RAB22A: variants seen among roughly 807,000 people sequenced by gnomAD.
RAB22A encodes the protein ras-related protein Rab-22A.
A neutral mutation model predicts 30.2 loss-of-function variants in RAB22A; 13 were observed. The ratio of observed to expected loss-of-function variants is 0.43; its 90% CI spans 0.28 to 0.68. RAB22A has a LOEUF of 0.68. RAB22A is among the 30% of genes least tolerant of loss of function. RAB22A has a pLI of 0.18. For synonymous variants in RAB22A, 89 were observed against 87.2 expected, an observed-to-expected ratio of 1.02 and a Z score of -0.11; for missense variants, 177 against 246.8, an observed-to-expected ratio of 0.72 and a Z score of 1.89.
rs139932438 is a variant in RAB22A at position 58,363,765 on chromosome 20, T to C, written c.*4062T>C. ...ATACCTGCCTCTAGTTAGCTTGGTT[T>C]ATCAAAAGGATTTTTAAATGATTCA... On this transcript the variant is annotated 3_prime_UTR_variant, in exon 7 of 7. Coordinates refer to ENST00000244040, the MANE Select transcript of RAB22A (RefSeq NM_020673.3). 5.3e-5 allele frequency: 8 copies of C among 152,342 alleles called. No homozygotes were observed. In the East Asian group the frequency reaches 1.5e-3, roughly 29 times the overall value. 9.4% of individuals were successfully genotyped at this position (152,342 alleles called of 1,614,324 possible).
Position 58,343,745 on chromosome 20 carries a change from G to A in RAB22A, c.144G>A (p.Gln48=). 2 of 1,611,022 alleles carry A rather than the reference G, an allele frequency of 1.2e-6. No homozygotes were observed. The highest frequency in any genetic ancestry group is 1.7e-6 in the Non-Finnish European group (2 of 1,177,188). ...CATCTTTTATGACCAAGACTGTCCAGTACCAAAATGAGCTACATAAATTCC... is the reference window on the plus strand; with the variant it reads ...CATCTTTTATGACCAAGACTGTCCAATACCAAAATGAGCTACATAAATTCC... ...IGASFMTKTV[Q]YQNELHKFLI... Residue 48 remains glutamine, a synonymous_variant, in exon 3 of 7, where the codon CAG becomes CAA. Transcript: ENST00000244040.
chr20:58,332,345 G>A (rs907930465), intron 2 of RAB22A, among the ~76,000 whole-genome samples: 2 of 152,224 alleles, frequency 1.3e-5, no homozygotes, highest in African/African-American at 2.4e-5. Context: ...TAACTGTGGA[G>A]ACTTGAAGTG....
Position 58,360,075 on chromosome 20 carries a change from A to C in RAB22A, c.*372A>C, listed in dbSNP as rs1461123488. On this transcript the variant is annotated 3_prime_UTR_variant, in exon 7 of 7. Coordinates refer to ENST00000244040, the MANE Select transcript of RAB22A (RefSeq NM_020673.3). ...TTGTGGTTCTTAAGGGAAAAGAAAC[A>C]GACCTTGTGGAGATTATAATTTCCT... The C allele has an allele frequency of 6.4e-6, 1 of 155,968 alleles. No homozygotes were observed. The highest frequency in any genetic ancestry group is 2.4e-5 in the African/African-American group (1 of 41,532). The allele number at this position is 155,968 out of a possible 1,614,324, so 9.7% of individuals were successfully genotyped here. A position where few individuals can be genotyped will look rare whatever the true frequency, so the allele number is the denominator to read the frequency against.
chr20:58,342,276 G>C (rs1054615217), intron 2 of RAB22A, among the ~76,000 whole-genome samples: 7 of 152,170 alleles, frequency 4.6e-5, no homozygotes, highest in African/African-American at 1.7e-4. Context: ...TAAATTTTCA[G>C]TAAATAAATA....
intron 2 of RAB22A, among the ~76,000 whole-genome samples, chr20:58,337,533 T>C (rs1568869532): frequency 6.6e-6 from 1 of 152,160 alleles, no homozygotes; most frequent in Non-Finnish European, 1.5e-5. Flanking sequence ...AGTCTGTCCA[T>C]TCTTCACTTA....
chr20:58,337,639 C>T (rs1986781819), intron 2 of RAB22A, among the ~76,000 whole-genome samples: 1 of 152,158 alleles, frequency 6.6e-6, no homozygotes, highest in Admixed American at 6.5e-5. Flanking sequence ...TCTCACCTTG[C>T]CTGCCTGGTG....
Position 58,338,797 on chromosome 20 carries a change from A to G in RAB22A, c.117-4921A>G, listed in dbSNP as rs181932445. 7.7e-4 allele frequency among the ~76,000 whole-genome samples: 117 copies of G among 152,304 alleles called. No individual in the cohort carries two copies. In the Middle Eastern group the frequency reaches 0.031, roughly 40 times the overall value. On this transcript the variant is annotated intron_variant, in intron 2 of 6. Coordinates refer to ENST00000244040, the MANE Select transcript of RAB22A (RefSeq NM_020673.3). ...GATGTCATGTGCCTTTGGTCTTTTT[A>G]TGTCTCAATCTTGGTATTCAGTGGT... is the stretch of plus-strand genomic sequence containing the variant.
At chr20:58,346,687 C>T (rs1986955910) in intron 3 of RAB22A, among the ~76,000 whole-genome samples, 1 of 152,230 alleles carries the variant, frequency 6.6e-6, no homozygotes, top group Non-Finnish European at 1.5e-5. Flanking sequence ...AATCTCCCAT[C>T]AGACTGTAAC....
chr20:58,332,870 G>A (rs1481862168), intron 2 of RAB22A, among the ~76,000 whole-genome samples: 2 of 151,738 alleles, frequency 1.3e-5, no homozygotes, highest in Non-Finnish European at 2.9e-5. Context: ...ATCAGAAGAG[G>A]GATAAAAAAC....
At chr20:58,358,905 A>C (rs1252199751) in intron 6 of RAB22A, among the ~76,000 whole-genome samples, 1 of 152,090 alleles carries the variant, frequency 6.6e-6, no homozygotes, top group Non-Finnish European at 1.5e-5. Flanking sequence ...CAAAAAAAAA[A>C]AAAAAAAGGT....
intron 3 of RAB22A, among the ~76,000 whole-genome samples, chr20:58,346,375 G>A (rs541218377): frequency 6.6e-6 from 1 of 152,158 alleles, no homozygotes; most frequent in Non-Finnish European, 1.5e-5. Flanking sequence ...AGCCCCACGT[G>A]ACTTGCCCAG....
rs1473326552 is a variant in RAB22A, at chr20:58,366,487, A to G, written c.*6784A>G. 8.4e-6 allele frequency: 1 copy of G among 118,752 alleles called. No homozygotes were observed. The highest frequency in any genetic ancestry group is 1.9e-5 in the Non-Finnish European group (1 of 52,348). 7.4% of individuals were successfully genotyped at this position (118,752 alleles called of 1,614,324 possible). On this transcript the variant is annotated 3_prime_UTR_variant, in exon 7 of 7. Transcript: ENST00000244040. ...AGAAGAATAAGAATATTCCCAACAC[A>G]AAGAAAAGATAAGCGAGGTGAAGGA...
intron 2 of RAB22A, among the ~76,000 whole-genome samples, chr20:58,329,056 CT>C (rs34919452): frequency 6.4e-4 from 90 of 139,778 alleles, no homozygotes; most frequent in Middle Eastern, 3.7e-3. Flanking sequence ...TGCATATTCC[CT>C]TTTTTTTTTT....
chr20:58,322,095 G>A (rs1330109546), intron 2 of RAB22A, among the ~76,000 whole-genome samples: 3 of 152,208 alleles, frequency 2.0e-5, no homozygotes, highest in Non-Finnish European at 1.5e-5. Context: ...ACCTCACCGG[G>A]CGTCATTGTT....
At chr20:58,332,305 CTT>C (rs1416172192) in intron 2 of RAB22A, among the ~76,000 whole-genome samples, 1 of 152,210 alleles carries the variant, frequency 6.6e-6, no homozygotes, top group Non-Finnish European at 1.5e-5. Flanking sequence ...GACAGGGAAA[CTT>C]TGCCATAGAT....
chr20:58,336,994 G>C (rs896907545), intron 2 of RAB22A, among the ~76,000 whole-genome samples: 1 of 152,068 alleles, frequency 6.6e-6, no homozygotes, highest in African/African-American at 2.4e-5. Flanking sequence ...CCCCCCTGGG[G>C]GTCCTCGCCC....
At chr20:58,330,395 C>T (rs1236684960) in intron 2 of RAB22A, among the ~76,000 whole-genome samples, 3 of 152,058 alleles carry the variant, frequency 2.0e-5, no homozygotes, top group Admixed American at 6.6e-5. Context: ...TTTTTAACAT[C>T]TGTATCTGCT....
chr20:58,342,768 T>A (rs1305882435), intron 2 of RAB22A, among the ~76,000 whole-genome samples: 2 of 152,024 alleles, frequency 1.3e-5, no homozygotes, highest in Admixed American at 1.3e-4. Context: ...TTGAGAAGAC[T>A]GGGAGACAAA....
chr20:58,310,330 A>G (rs1216782205), intron 1 of RAB22A, among the ~76,000 whole-genome samples: 1 of 152,062 alleles, frequency 6.6e-6, no homozygotes, highest in Non-Finnish European at 1.5e-5. Context: ...TTTTCTCCCA[A>G]CTTACCAAGG....
Sources: allele counts gnomAD v4.1 joint callset (sites outside exome capture counted in the v4.1 genomes callset), GRCh38; gene constraint gnomAD v4.1.1; transcripts MANE v1.5; gene names NCBI Gene and HGNC (gene_info 2026-07-23, HGNC 2026-07-21).